EGFLAM: variants seen among roughly 807,000 people sequenced by gnomAD.
EGFLAM encodes EGF like, fibronectin type III and laminin G domains.
In EGFLAM, 79 loss-of-function variants were observed where a neutral mutation model predicts 113.1. The observed-to-expected ratio is 0.70, with a 90% CI of 0.58 to 0.84. The LOEUF (loss-of-function observed/expected upper bound fraction) is 0.84. Among genes scored for constraint, EGFLAM ranks in the 40% least tolerant of loss-of-function variants. The pLI, the probability that EGFLAM is intolerant of heterozygous loss-of-function variation, is 0.00. For missense variants in EGFLAM, 1,265 were observed against 1,291.6 expected (o/e 0.98, Z 0.32); for synonymous variants, 504 against 487.6 (o/e 1.03, Z -0.44).
chr5:38,282,752 T>A (rs1275178959), intron 1 of EGFLAM, among the ~76,000 whole-genome samples: 2 of 152,230 alleles, frequency 1.3e-5, no homozygotes, highest in African/African-American at 4.8e-5. Flanking sequence ...ATACACTGTA[T>A]ATATCATGGG....
chr5:38,433,456 G>C (rs1434968064), intron 15 of EGFLAM, among the ~76,000 whole-genome samples: 1 of 152,200 alleles, frequency 6.6e-6, no homozygotes, highest in Non-Finnish European at 1.5e-5. Flanking sequence ...CCTCACTGCA[G>C]AGCAGGCCTG....
At chr5:38,431,074 C>T (rs1016931436) in intron 14 of EGFLAM, 103 bp from the exon 15 acceptor site, 1 of 980,476 alleles carries the variant, frequency 1.0e-6, no homozygotes, top group Non-Finnish European at 1.5e-6. Flanking sequence ...ACCAGAAACA[C>T]ACTCACAGAC....
intron 1 of EGFLAM, among the ~76,000 whole-genome samples, chr5:38,298,718 T>C (rs1323004735): frequency 6.6e-5 from 10 of 152,198 alleles, no homozygotes; most frequent in Non-Finnish European, 1.5e-4. Context: ...TTTTTTTTCT[T>C]GAGACAGGGT....
At chr5:38,305,302 T>C in intron 1 of EGFLAM, 1 of 247,794 alleles carries the variant, frequency 4.0e-6, no homozygotes, top group Non-Finnish European at 8.4e-6. Context: ...AGCAAGAAGA[T>C]TGCAGGGCAA....
intron 1 of EGFLAM, among the ~76,000 whole-genome samples, chr5:38,308,405 T>C (rs932275080): frequency 6.6e-6 from 1 of 152,202 alleles, no homozygotes; most frequent in Admixed American, 6.5e-5. Context: ...TGCTGAAGGC[T>C]GGGATGTACC....
intron 5 of EGFLAM, among the ~76,000 whole-genome samples, chr5:38,360,812 T>C (rs74888166): frequency 2.5e-3 from 360 of 145,546 alleles, no homozygotes; most frequent in African/African-American, 8.6e-3. Context: ...TACAAGTGTG[T>C]TTTGAAATTA....
chr5:38,408,170 G>T (rs1020076817), intron 9 of EGFLAM, among the ~76,000 whole-genome samples: 3 of 152,208 alleles, frequency 2.0e-5, no homozygotes, highest in African/African-American at 7.2e-5. Flanking sequence ...AAGTGAGAAT[G>T]TTGGGGTCCG....
In EGFLAM at chr5:38,356,536, G is replaced by T. The variant is rs76426293; in HGVS notation, c.545+4205G>T. ...TTGGGGACAGAATAAAATTAGAACC[G>T]AATTCTCCTGACTTCCGGCCCGGTG... is the stretch of plus-strand genomic sequence containing the variant. On this transcript the variant is annotated intron_variant, in intron 5 of 21. Coordinates refer to ENST00000322350, the MANE Select transcript of EGFLAM (RefSeq NM_152403.4). 3.2e-3 allele frequency among the ~76,000 whole-genome samples: 494 copies of T among 152,264 alleles called. 18 individuals carry two copies. In the East Asian group the frequency reaches 0.072, roughly 22 times the overall value.
At chr5:38,314,055 T>G (rs1738526429) in intron 1 of EGFLAM, among the ~76,000 whole-genome samples, 2 of 152,212 alleles carry the variant, frequency 1.3e-5, no homozygotes, top group South Asian at 4.1e-4. Context: ...TAAAAGTAAT[T>G]ATGCTGGGGT....
intron 14 of EGFLAM, chr5:38,429,860 A>T (rs537447009): frequency 9.7e-4 from 148 of 152,690 alleles, no homozygotes; most frequent in Middle Eastern, 3.3e-3. Context: ...CTTAATTTTT[A>T]AAAAAAAATT....
chr5:38,367,667 A>C (rs1740098073), intron 5 of EGFLAM, among the ~76,000 whole-genome samples: 1 of 152,220 alleles, frequency 6.6e-6, no homozygotes, highest in African/African-American at 2.4e-5. Context: ...TGATCTGACC[A>C]ACAACTTTGT....
intron 17 of EGFLAM, among the ~76,000 whole-genome samples, chr5:38,443,125 G>A (rs1021074263): frequency 7.2e-5 from 11 of 152,270 alleles, no homozygotes; most frequent in African/African-American, 2.6e-4. Context: ...AATTAGCCAG[G>A]TGTGGTGGTG....
chr5:38,366,578 G>A (rs560779021), intron 5 of EGFLAM, among the ~76,000 whole-genome samples: 9 of 152,246 alleles, frequency 5.9e-5, no homozygotes, highest in Middle Eastern at 3.4e-3. Context: ...ATTGAGATTG[G>A]CAATGGGCAA....
chr5:38,302,642 G>T (rs147241772), intron 1 of EGFLAM, among the ~76,000 whole-genome samples: 11 of 148,326 alleles, frequency 7.4e-5, no homozygotes, highest in African/African-American at 2.7e-4. Flanking sequence ...AAGCACTTCC[G>T]CACACAGACT....
intron 11 of EGFLAM, among the ~76,000 whole-genome samples, chr5:38,417,478 A>G (rs1297215387): frequency 1.3e-5 from 2 of 152,016 alleles, no homozygotes; most frequent in East Asian, 1.9e-4. Context: ...CTAAGATGGG[A>G]AGTTTCCCTA....
intron 17 of EGFLAM, among the ~76,000 whole-genome samples, chr5:38,441,181 T>G (rs1264539797): frequency 6.6e-6 from 1 of 152,162 alleles, no homozygotes; most frequent in Non-Finnish European, 1.5e-5. Flanking sequence ...CAGTGGCCAC[T>G]GCAGAAACTC....
Position 38,258,778 on chromosome 5 carries a change from G to A in EGFLAM, c.24G>A (p.Leu8=). The A allele has an allele frequency of 6.2e-7, 1 of 1,611,800 alleles. No homozygotes were observed. The highest frequency in any genetic ancestry group is 8.5e-7 in the Non-Finnish European group (1 of 1,179,340). ...AAATGGATTTAATCCGAGGCGTCTT[G>A]CTCCGGCTCCTGCTCCTGGCTTCCA... MDLIRGV[L]LRLLLLASSL... is the part of the protein sequence containing the mutation. The change falls in exon 1 of 22, where the codon TTG becomes TTA. Residue 8 remains leucine, a synonymous_variant. Transcript: ENST00000322350.
intron 14 of EGFLAM, among the ~76,000 whole-genome samples, chr5:38,428,854 G>A (rs1182176901): frequency 6.6e-6 from 1 of 152,118 alleles, no homozygotes; most frequent in Non-Finnish European, 1.5e-5. Context: ...GTCAGCAAAG[G>A]CAACTGGAAA....
intron 14 of EGFLAM, 112 bp from the exon 15 acceptor site, chr5:38,431,064 AC>A: frequency 1.1e-6 from 1 of 890,068 alleles, no homozygotes; most frequent in Non-Finnish European, 1.7e-6. Context: ...GCTCATCTCT[AC>A]CAGAAACACA....
Sources: allele counts gnomAD v4.1 joint callset (sites outside exome capture counted in the v4.1 genomes callset), GRCh38; gene constraint gnomAD v4.1.1; transcripts MANE v1.5; gene names NCBI Gene and HGNC (gene_info 2026-07-23, HGNC 2026-07-21).